Variants in TCF4 observed in about 807,000 individuals in gnomAD.
TCF4 encodes the protein transcription factor 4.
TCF4 carries 3 observed loss-of-function variants against 82.1 expected under a neutral mutation model. The ratio of observed to expected loss-of-function variants is 0.04; its 90% CI spans 0.02 to 0.09. The LOEUF (loss-of-function observed/expected upper bound fraction) is 0.09. Ranked by LOEUF, TCF4 falls within the 10% of genes least tolerant of loss-of-function variation. The pLI, the probability that TCF4 is intolerant of heterozygous loss-of-function variation, is 1.00. For synonymous variants in TCF4, 276 were observed against 309.6 expected, an observed-to-expected ratio of 0.89 and a Z score of 1.14; for missense variants, 518 against 852.7, an observed-to-expected ratio of 0.61 and a Z score of 4.89.
intron 1 of TCF4, 115 bp downstream of exon 1, chr18:55,587,916 AGCGCCGG>A (rs2097667313): frequency 1.2e-6 from 1 of 841,438 alleles, no homozygotes; most frequent in African/African-American, 1.9e-5. Flanking sequence ...CTCTTCTGGG[AGCGCCGG>A]GCGCCGGGAG....
chr18:55,379,260 A>C (rs941468877), intron 6 of TCF4, among the ~76,000 whole-genome samples: 8 of 152,222 alleles, frequency 5.3e-5, no homozygotes, highest in African/African-American at 1.9e-4. Flanking sequence ...AAAAGAAGCA[A>C]AACATCTAAA....
intron 3 of TCF4, chr18:55,551,118 A>G (rs2097256963): frequency 6.6e-6 from 1 of 152,010 alleles, no homozygotes; most frequent in Non-Finnish European, 1.5e-5. Flanking sequence ...TAATTTTTGT[A>G]CTTTTAGTAG....
intron 8 of TCF4, among the ~76,000 whole-genome samples, chr18:55,304,495 T>C (rs2069520731): frequency 2.6e-5 from 4 of 152,158 alleles, no homozygotes; most frequent in African/African-American, 9.7e-5. Flanking sequence ...GAGGAGATTA[T>C]ATGAAAAACA....
chr18:55,595,864 A>C lies in TCF4; in HGVS notation c.287-8728T>G, dbSNP rs1257908284. Among the ~76,000 whole-genome samples, 7 of 152,242 alleles carry C rather than the reference A, an allele frequency of 4.6e-5. No homozygotes were observed. The South Asian group carries it at 1.5e-3, about 32-fold the overall frequency. On this transcript the variant is annotated intron_variant, in intron 2 of 20. Coordinates refer to the TCF4 transcript ENST00000398339. The stretch of plus-strand genomic sequence containing the variant: ...GAATAGAGATCCAGAGAAGAAATGA[A>C]GTTGTAGGCTGGAGAGCATTTTGTC...
intron 8 of TCF4, among the ~76,000 whole-genome samples, chr18:55,283,082 A>G (rs1203821229): frequency 2.6e-5 from 4 of 152,152 alleles, no homozygotes; most frequent in Non-Finnish European, 5.9e-5. Flanking sequence ...TTCTGAATTT[A>G]GCAGACAATC....
At chr18:55,344,228 AAGG>A (rs1389396678) in intron 8 of TCF4, among the ~76,000 whole-genome samples, 14 of 152,192 alleles carry the variant, frequency 9.2e-5, no homozygotes, top group African/African-American at 2.9e-4. Flanking sequence ...ATCTGGAAAA[AAGG>A]AGAACATTTT....
chr18:55,571,643 G>A (rs2147558513), intron 3 of TCF4, among the ~76,000 whole-genome samples: 1 of 152,162 alleles, frequency 6.6e-6, no homozygotes, highest in South Asian at 2.1e-4. Flanking sequence ...GCATGCAGTA[G>A]CAGCCTGTGT....
chr18:55,318,497 A>G (rs1031200204), intron 8 of TCF4, among the ~76,000 whole-genome samples: 14 of 152,160 alleles, frequency 9.2e-5, no homozygotes, highest in Non-Finnish European at 1.5e-4. Flanking sequence ...TCTAATGCAT[A>G]GAGGAAAAAA....
At chr18:55,280,394 T>C (rs149490141) in intron 8 of TCF4, among the ~76,000 whole-genome samples, 1 of 152,230 alleles carries the variant, frequency 6.6e-6, no homozygotes, top group Non-Finnish European at 1.5e-5. Context: ...CTCATGAGAC[T>C]TGGGAAACCA....
Position 55,431,909 on chromosome 18 carries a change from AG to A in TCF4, c.305-28392del, listed in dbSNP as rs562981679. 1.5e-3 allele frequency among the ~76,000 whole-genome samples: 225 copies of A among 152,358 alleles called. 2 individuals carry two copies. Among genetic ancestry groups the A allele is most frequent in the African/African-American group, 5.1e-3 (211 of 41,584 alleles). On this transcript the variant is annotated intron_variant, in intron 5 of 19. Coordinates refer to ENST00000354452, the MANE Select transcript of TCF4 (RefSeq NM_001083962.2). ...GGCAACTAGAGAAGCAAGAGGACAT[AG>A]GGAGCTACCAAAAGGCGGTGCACGG...
intron 2 of TCF4, among the ~76,000 whole-genome samples, chr18:55,622,486 A>G (rs946263925): frequency 6.7e-6 from 1 of 149,878 alleles, no homozygotes; most frequent in African/African-American, 2.5e-5. Flanking sequence ...GCCTGGCAAC[A>G]GAGCGAGACT....
At chr18:55,228,498 G>T in intron 18 of TCF4, 137 bp from the exon 19 acceptor site, 2 of 1,252,444 alleles carry the variant, frequency 1.6e-6, no homozygotes, top group Non-Finnish European at 2.3e-6. Context: ...ACTAAGTACT[G>T]TGGCAATCCA....
At chr18:55,360,321 G>C (rs909142506) in intron 6 of TCF4, among the ~76,000 whole-genome samples, 2 of 152,178 alleles carry the variant, frequency 1.3e-5, no homozygotes, top group East Asian at 3.8e-4. Context: ...TAGGAGACTA[G>C]AGACAGAACT....
intron 8 of TCF4, among the ~76,000 whole-genome samples, chr18:55,317,459 C>G (rs2074426871): frequency 6.6e-6 from 1 of 152,008 alleles, no homozygotes; most frequent in South Asian, 2.1e-4. Context: ...ATAGTTGACA[C>G]TCTACTGGAA....
At chr18:55,251,359 A>AC (rs2055041598) in intron 15 of TCF4, among the ~76,000 whole-genome samples, 3 of 152,202 alleles carry the variant, frequency 2.0e-5, no homozygotes, top group Non-Finnish European at 4.4e-5. Flanking sequence ...AATACTTAGT[A>AC]AATCACTGAA....
At chr18:55,404,927 C>T (rs987649970) in intron 5 of TCF4, among the ~76,000 whole-genome samples, 1 of 152,222 alleles carries the variant, frequency 6.6e-6, no homozygotes. Flanking sequence ...AAAACACCTC[C>T]GCCCCATTTC....
At chr18:55,458,278 C>A (rs2095805752) in intron 5 of TCF4, among the ~76,000 whole-genome samples, 1 of 152,170 alleles carries the variant, frequency 6.6e-6, no homozygotes, top group Non-Finnish European at 1.5e-5. Context: ...GAGACAGAAA[C>A]AAATACTTTG....
intron 16 of TCF4, among the ~76,000 whole-genome samples, chr18:55,234,255 G>A (rs558090326): frequency 1.3e-5 from 2 of 152,164 alleles, no homozygotes; most frequent in Non-Finnish European, 2.9e-5. Context: ...GGACCTGAAT[G>A]AGAAAAATGT....
At chr18:55,321,803 T>C in intron 8 of TCF4, 2 of 1,501,550 alleles carry the variant, frequency 1.3e-6, no homozygotes, top group Non-Finnish European at 8.9e-7. Context: ...TCGCTGTCCC[T>C]TTTTTCACAA....
Sources: gnomAD v4.1 joint callset for allele counts (sites outside exome capture counted in the v4.1 genomes callset) on GRCh38, gnomAD v4.1.1 for gene constraint, MANE v1.5 for transcripts, NCBI Gene and HGNC (gene_info 2026-07-23, HGNC 2026-07-21) for gene names.